The following CPNE8 variants were observed in gnomAD, a reference collection of about 807,000 sequenced individuals.
CPNE8 encodes the protein copine-8.
In CPNE8, 45 loss-of-function variants were observed where a neutral mutation model predicts 81.5. The observed-to-expected ratio is 0.55, with a 90% confidence interval of 0.44 to 0.71. The LOEUF is 0.71. Among genes scored for constraint, CPNE8 ranks in the 30% least tolerant of loss-of-function variants. The probability of loss-of-function intolerance (pLI) is 0.00; values close to 1 mark genes in which losing one functional copy is unlikely to be tolerated. For synonymous variants in CPNE8, 252 were observed against 226.3 expected, an observed-to-expected ratio of 1.11 and a Z score of -1.02; for missense variants, 594 against 672.1, an observed-to-expected ratio of 0.88 and a Z score of 1.28.
intron 1 of CPNE8, among the ~76,000 whole-genome samples, chr12:38,896,017 G>T (rs1245225478): frequency 6.6e-6 from 1 of 151,984 alleles, no homozygotes; most frequent in Non-Finnish European, 1.5e-5. Context: ...TGCAAGGATT[G>T]AATGAATTAG....
intron 14 of CPNE8, among the ~76,000 whole-genome samples, chr12:38,697,604 A>G (rs1159568116): frequency 1.3e-5 from 2 of 152,100 alleles, no homozygotes; most frequent in Non-Finnish European, 2.9e-5. Context: ...TGGCTGTACA[A>G]TTTTACATTC....
chr12:38,709,597 C>A (rs1162531129), intron 13 of CPNE8, among the ~76,000 whole-genome samples: 4 of 152,140 alleles, frequency 2.6e-5, no homozygotes, highest in East Asian at 1.9e-4. Context: ...CTTTAGAAGG[C>A]CCATTAAGTA....
At chr12:38,740,323 A>G (rs1941065397) in intron 10 of CPNE8, among the ~76,000 whole-genome samples, 1 of 152,186 alleles carries the variant, frequency 6.6e-6, no homozygotes, top group African/African-American at 2.4e-5. Flanking sequence ...TTTTCTAGAT[A>G]TACAGTCATG....
intron 10 of CPNE8, among the ~76,000 whole-genome samples, chr12:38,751,205 T>G (rs2136823571): frequency 6.6e-6 from 1 of 152,340 alleles, no homozygotes; most frequent in East Asian, 1.9e-4. Flanking sequence ...TGCCCAGTCT[T>G]GGGTATGTCT....
At chr12:38,765,317 A>G (rs997309485) in intron 8 of CPNE8, among the ~76,000 whole-genome samples, 1 of 152,276 alleles carries the variant, frequency 6.6e-6, no homozygotes, top group South Asian at 2.1e-4. Flanking sequence ...TTTTTATTGA[A>G]TAACTGGTAT....
intron 5 of CPNE8, among the ~76,000 whole-genome samples, chr12:38,831,149 T>C (rs2137025149): frequency 6.6e-6 from 1 of 152,080 alleles, no homozygotes; most frequent in South Asian, 2.1e-4. Flanking sequence ...GAGAAGATAA[T>C]TGGACATTCT....
At chr12:38,774,566 T>C (rs1385131025) in intron 7 of CPNE8, among the ~76,000 whole-genome samples, 1 of 152,168 alleles carries the variant, frequency 6.6e-6, no homozygotes, top group Non-Finnish European at 1.5e-5. Flanking sequence ...ATGTACATTA[T>C]AGTATCAAAC....
chr12:38,897,723 C>T (rs913270452), intron 1 of CPNE8, among the ~76,000 whole-genome samples: 6 of 151,624 alleles, frequency 4.0e-5, no homozygotes, highest in Non-Finnish European at 5.9e-5. Flanking sequence ...TGATGCTATA[C>T]ATGAGACAAA....
intron 5 of CPNE8, among the ~76,000 whole-genome samples, chr12:38,835,964 T>C (rs1943372917): frequency 6.6e-6 from 1 of 152,016 alleles, no homozygotes; most frequent in South Asian, 2.1e-4. Context: ...GTATATAGAG[T>C]ACAGTTTCTA....
chr12:38,740,484 G>T (rs1941072270), intron 10 of CPNE8, among the ~76,000 whole-genome samples: 1 of 152,170 alleles, frequency 6.6e-6, no homozygotes, highest in Non-Finnish European at 1.5e-5. Flanking sequence ...TTTTCAAAGG[G>T]AATGCTTCCA....
At chr12:38,854,289 A>C (rs1231731800) in intron 3 of CPNE8, among the ~76,000 whole-genome samples, 1 of 151,566 alleles carries the variant, frequency 6.6e-6, no homozygotes, top group African/African-American at 2.4e-5. Context: ...GAGACTCCAC[A>C]GCCCTCTTCT....
At chr12:38,665,409 A>G (rs904511297) in intron 19 of CPNE8, among the ~76,000 whole-genome samples, 1 of 152,202 alleles carries the variant, frequency 6.6e-6, no homozygotes, top group African/African-American at 2.4e-5. Flanking sequence ...GAAGTATGGT[A>G]TACTTGTTAC....
chr12:38,819,723 C>T (rs1170913753), intron 6 of CPNE8, among the ~76,000 whole-genome samples: 1 of 133,048 alleles, frequency 7.5e-6, no homozygotes, highest in Admixed American at 8.8e-5. Context: ...GCCAAGATCA[C>T]ACCACTGCAC....
At chr12:38,767,815 G>T in intron 7 of CPNE8, 77 bp from the exon 8 acceptor site, 1 of 848,742 alleles carries the variant, frequency 1.2e-6, no homozygotes, top group Non-Finnish European at 1.8e-6. Context: ...AACAAGACTT[G>T]ACAAGAAAAC....
intron 6 of CPNE8, among the ~76,000 whole-genome samples, chr12:38,783,666 C>T (rs1942103654): frequency 6.6e-6 from 1 of 152,080 alleles, no homozygotes; most frequent in Admixed American, 6.6e-5. Flanking sequence ...TGGCTCAGAA[C>T]AAAGAAAGAG....
chr12:38,848,863 T>C (rs1417630631), intron 3 of CPNE8, among the ~76,000 whole-genome samples: 1 of 152,122 alleles, frequency 6.6e-6, no homozygotes, highest in Non-Finnish European at 1.5e-5. Context: ...AATCAGCTTC[T>C]CCCCAAAATT....
At chr12:38,857,667 C>T (rs1452820943) in intron 3 of CPNE8, among the ~76,000 whole-genome samples, 1 of 152,148 alleles carries the variant, frequency 6.6e-6, no homozygotes, top group Non-Finnish European at 1.5e-5. Context: ...AATCCCAGCA[C>T]TTTAAGAGGC....
intron 1 of CPNE8, among the ~76,000 whole-genome samples, chr12:38,896,834 C>T (rs1944394990): frequency 6.6e-6 from 1 of 152,046 alleles, no homozygotes; most frequent in African/African-American, 2.4e-5. Context: ...TCTGTGGCTC[C>T]CCAAATTGAC....
At chr12:38,660,146 C>T (rs138786905) in intron 19 of CPNE8, among the ~76,000 whole-genome samples, 5,320 of 152,172 alleles carry the variant, frequency 0.035, 288 homozygotes, top group African/African-American at 0.12. Flanking sequence ...AAAAAGAGAC[C>T]ACATTGCCAA....
Sources: allele counts gnomAD v4.1 joint callset (sites outside exome capture counted in the v4.1 genomes callset), GRCh38; gene constraint gnomAD v4.1.1; transcripts MANE v1.5; gene names NCBI Gene and HGNC (gene_info 2026-07-23, HGNC 2026-07-21).